KIF13A: variants seen among roughly 807,000 people sequenced by gnomAD.
KIF13A encodes the protein kinesin-like protein KIF13A.
KIF13A carries 79 observed loss-of-function variants against 212.2 expected under a neutral mutation model. That is an observed-to-expected ratio of 0.37 (90% CI 0.31 to 0.45). The LOEUF (loss-of-function observed/expected upper bound fraction) is 0.45, where lower values mean the gene tolerates loss of function less well. Ranked by LOEUF, KIF13A falls within the 20% of genes least tolerant of loss-of-function variation. The pLI is 1.00. For synonymous variants in KIF13A, 789 were observed against 808.6 expected (o/e 0.98, Z 0.41); for missense variants, 1,901 against 2,209.0 (o/e 0.86, Z 2.79).
chr6:17,814,922 GAGAT>G (rs1763791537), intron 17 of KIF13A, among the ~76,000 whole-genome samples: 1 of 152,212 alleles, frequency 6.6e-6, no homozygotes, highest in African/African-American at 2.4e-5. Flanking sequence ...ACAAGACAAA[GAGAT>G]AGAAGAAAAG....
In KIF13A at chr6:17,850,344, T is replaced by C. The variant is rs746792467; in HGVS notation, c.696A>G (p.Thr232=). 2 of 1,613,736 alleles carry C rather than the reference T, an allele frequency of 1.2e-6. No individual in the cohort carries two copies. The highest frequency in any genetic ancestry group is 4.5e-5 in the East Asian group (2 of 44,870). The change falls in exon 8 of 39, where the codon ACA becomes ACG. Residue 232 remains threonine (T), a synonymous_variant. Transcript: ENST00000259711. The surrounding 1 kb of genome is among the most constrained non-coding windows in gnomAD (Gnocchi z 6.2). ...TTACCCCAGACTGCAGGTCATAAAG[T>C]GTCTGTGTGATTATGATGTTGAACA... ...HAVFNIIITQ[T]LYDLQSGNSG...
At chr6:17,942,259 G>A (rs1402870404) in intron 2 of KIF13A, among the ~76,000 whole-genome samples, 5 of 151,846 alleles carry the variant, frequency 3.3e-5, no homozygotes, top group Non-Finnish European at 2.9e-5. Flanking sequence ...CCATGATCAT[G>A]CCACTGCACT....
intron 20 of KIF13A, among the ~76,000 whole-genome samples, chr6:17,802,735 C>T (rs968370556): frequency 2.0e-5 from 3 of 151,970 alleles, no homozygotes; most frequent in African/African-American, 7.3e-5. Flanking sequence ...AATCACTCTG[C>T]CATGTTAACT....
rs1249617296 is a variant in KIF13A, at chr6:17,897,561, T to C, written c.159+607A>G. ...GGCCTTCTCACTGGTAAAAATGCCA[T>C]CAAAGGTTGGCCAGAGCAGGTGGGG... On this transcript the variant is annotated intron_variant, in intron 3 of 38. Coordinates refer to ENST00000259711, the MANE Select transcript of KIF13A (RefSeq NM_022113.6). This position sits in a 1 kb window ranked among gnomAD's most constrained non-coding sequence, Gnocchi z 4.8. Among the ~76,000 whole-genome samples, 1 of 152,164 alleles carries C rather than the reference T, an allele frequency of 6.6e-6. No individual in the cohort carries two copies. The highest frequency in any genetic ancestry group is 6.5e-5 in the Admixed American group (1 of 15,284).
At chr6:17,807,907 G>T (rs548744408) in intron 18 of KIF13A, among the ~76,000 whole-genome samples, 1 of 152,124 alleles carries the variant, frequency 6.6e-6, no homozygotes, top group Admixed American at 6.6e-5. Context: ...TATTGTGGGC[G>T]GGTTCCCCTG....
intron 3 of KIF13A, among the ~76,000 whole-genome samples, chr6:17,891,804 T>A (rs991717663): frequency 3.9e-5 from 6 of 152,126 alleles, no homozygotes; most frequent in Non-Finnish European, 5.9e-5. Context: ...AACAAGTGTA[T>A]GAATTCTCAA....
intron 17 of KIF13A, 59 bp from the exon 18 acceptor site, chr6:17,808,989 T>G: frequency 7.0e-7 from 1 of 1,428,728 alleles, no homozygotes; most frequent in South Asian, 1.4e-5. Context: ...ATCCCGTTTC[T>G]AAGTGAGCAT....
chr6:17,850,543 C>G lies in KIF13A; in HGVS notation c.583-86G>C. The G allele has an allele frequency of 7.6e-7, 1 of 1,315,800 alleles. No individual in the cohort carries two copies. The highest frequency in any genetic ancestry group is 2.6e-5 in the Admixed American group (1 of 37,848). The allele number at this position is 1,315,800 out of a possible 1,614,324, so 81.5% of individuals were successfully genotyped here. ...CCAGGTATATGTATTAATTATGATT[C>G]CTCTGATGCCTTTGTCACCACCCTT... On this transcript the variant is annotated intron_variant, in intron 7 of 38. Coordinates refer to ENST00000259711, the MANE Select transcript of KIF13A (RefSeq NM_022113.6). This position sits in a 1 kb window ranked among gnomAD's most constrained non-coding sequence, Gnocchi z 6.2.
At position 17,808,888 on chromosome 6, in the gene KIF13A, C is replaced by T; in HGVS notation, c.2043G>A (p.Gln681=). 1 of 1,613,308 alleles carries T rather than the reference C, an allele frequency of 6.2e-7. No homozygotes were observed. The highest frequency in any genetic ancestry group is 8.5e-7 in the Non-Finnish European group (1 of 1,179,586). ...FRQSLAKLRE[Q]LVKANTLVRE... is the part of the protein sequence containing the mutation. ...TCACCAAGGTATTAGCTTTAACCAG[C>T]TGCTCTCGCAGTTTTGCCAGGCTTT... The change falls in exon 18 of 39, where the codon CAG becomes CAA. Residue 681 remains glutamine, a synonymous_variant. Transcript: ENST00000259711.
rs779198618 is a variant in KIF13A, at chr6:17,800,109, GCAACC to G, written c.2455-1_2458del. The G allele has an allele frequency of 2.5e-6, 4 of 1,613,230 alleles. No individual in the cohort carries two copies. The highest frequency in any genetic ancestry group is 3.4e-6 in the Non-Finnish European group (4 of 1,179,570). On this transcript the variant is annotated splice_acceptor_variant and coding_sequence_variant, in exon 21 of 39. Coordinates refer to ENST00000259711, the MANE Select transcript of KIF13A (RefSeq NM_022113.6). LOFTEE classifies it high-confidence loss of function. ...CATCACTTCCACGTGGAGACGCCCT[GCAACC>G]TGGGTCAAGGAACCAGAGCACCTTA...
In KIF13A at chr6:17,789,842, A is replaced by T. The variant is rs1761383812; in HGVS notation, c.3261+30T>A. 2 of 1,594,124 alleles carry T rather than the reference A, an allele frequency of 1.3e-6. No homozygotes were observed. The highest frequency in any genetic ancestry group is 1.7e-6 in the Non-Finnish European group (2 of 1,163,180). ...TGGCAATTAGCAGTAGCTGTGCCCCATGCCACAGGATTGACAGCAGTAGCA... is the reference window on the plus strand; with the variant it reads ...TGGCAATTAGCAGTAGCTGTGCCCCTTGCCACAGGATTGACAGCAGTAGCA... On this transcript the variant is annotated intron_variant, in intron 26 of 38. Coordinates refer to ENST00000259711, the MANE Select transcript of KIF13A (RefSeq NM_022113.6). The surrounding 1 kb of genome is among the most constrained non-coding windows in gnomAD (Gnocchi z 4.8).
chr6:17,958,876 C>CTTTTTTTTTTTTTTTTTT, intron 2 of KIF13A, among the ~76,000 whole-genome samples: 1 of 83,082 alleles, frequency 1.2e-5, no homozygotes, highest in Non-Finnish European at 2.2e-5. Context: ...TTTTCTTTTT[C>CTTTTTTTTTTTTTTTTTT]TTTTTTTTTT....
chr6:17,895,308 T>C lies in KIF13A; in HGVS notation c.159+2860A>G, dbSNP rs1259010455. ...TCTGTTGGCTCTTGTTCATGTCACA[T>C]CTTGTCATGTACCTCCTTAACTTTG... On this transcript the variant is annotated intron_variant, in intron 3 of 38. Transcript: ENST00000259711. The surrounding 1 kb of genome is among the most constrained non-coding windows in gnomAD (Gnocchi z 4.4). 6.6e-6 allele frequency among the ~76,000 whole-genome samples: 1 copy of C among 152,246 alleles called. No homozygotes were observed. Among genetic ancestry groups the C allele is most frequent in the Admixed American group, 6.5e-5 (1 of 15,284 alleles).
At position 17,856,393 on chromosome 6, in the gene KIF13A, G is replaced by A. The variant is rs1415182800; in HGVS notation, c.221-271C>T. Among the ~76,000 whole-genome samples the A allele has an allele frequency of 1.3e-5, 2 of 152,148 alleles. No individual in the cohort carries two copies. The highest frequency in any genetic ancestry group is 2.9e-5 in the Non-Finnish European group (2 of 68,020). On this transcript the variant is annotated intron_variant, in intron 4 of 38. Transcript: ENST00000259711. The surrounding 1 kb of genome is among the most constrained non-coding windows in gnomAD (Gnocchi z 4.5). ...TCCATTGTGAGTGGGCCATATGGAA[G>A]CAGCATTCAAATTTGGTTGTTTTTT...
chr6:17,924,440 T>G (rs1052328543), intron 2 of KIF13A, among the ~76,000 whole-genome samples: 2 of 152,208 alleles, frequency 1.3e-5, no homozygotes, highest in African/African-American at 4.8e-5. Flanking sequence ...TGATGTCCCT[T>G]TTTTTCTGAT....
At chr6:17,774,595 G>A (rs1272159101) in intron 35 of KIF13A, among the ~76,000 whole-genome samples, 3 of 152,102 alleles carry the variant, frequency 2.0e-5, no homozygotes, top group Non-Finnish European at 4.4e-5. Flanking sequence ...CCAACATGGC[G>A]AAACTCCATC....
intron 2 of KIF13A, among the ~76,000 whole-genome samples, chr6:17,933,197 A>G (rs1647000697): frequency 6.6e-6 from 1 of 152,152 alleles, no homozygotes; most frequent in African/African-American, 2.4e-5. Context: ...GAAACCCAAG[A>G]AAGTGCAGGT....
intron 23 of KIF13A, 99 bp downstream of exon 23, chr6:17,796,569 TA>T: frequency 1.3e-6 from 1 of 792,578 alleles, no homozygotes; most frequent in Admixed American, 3.1e-5. Context: ...TAAATGATTT[TA>T]TTTTTTTATA....
chr6:17,853,764 T>G (rs1767885819), intron 6 of KIF13A, among the ~76,000 whole-genome samples: 1 of 152,020 alleles, frequency 6.6e-6, no homozygotes, highest in Non-Finnish European at 1.5e-5. Context: ...TTATGCAAAA[T>G]TATTTGTAAA....
Sources: gnomAD v4.1 joint callset for allele counts (sites outside exome capture counted in the v4.1 genomes callset) on GRCh38, gnomAD v4.1.1 for gene constraint, Gnocchi (gnomAD v3.1) non-coding constraint, MANE v1.5 for transcripts, NCBI Gene and HGNC (gene_info 2026-07-23, HGNC 2026-07-21) for gene names.